CCNF: variants seen among roughly 807,000 people sequenced by gnomAD.
CCNF encodes cyclin-F.
A neutral mutation model predicts 85.4 loss-of-function variants in CCNF; 30 were observed. The ratio of observed to expected loss-of-function variants is 0.35; its 90% CI spans 0.26 to 0.48. The LOEUF is 0.48. CCNF is among the 20% of genes least tolerant of loss of function. The pLI, the probability that CCNF is intolerant of heterozygous loss-of-function variation, is 0.99. For missense variants in CCNF, 919 were observed against 1,010.4 expected (o/e 0.91, Z 1.23); for synonymous variants, 439 against 425.1 (o/e 1.03, Z -0.40).
chr16:2,448,269 T>A (rs895179306), intron 10 of CCNF, among the ~76,000 whole-genome samples: 2 of 152,250 alleles, frequency 1.3e-5, no homozygotes, highest in African/African-American at 2.4e-5. Flanking sequence ...CCTTGGTGTC[T>A]TTTAGCAAAC....
chr16:2,454,658 G>A (rs1307737179), intron 15 of CCNF, among the ~76,000 whole-genome samples: 1 of 152,236 alleles, frequency 6.6e-6, no homozygotes, highest in East Asian at 1.9e-4. Flanking sequence ...GCCCCATCCT[G>A]AGCAAGACTT....
At chr16:2,448,085 CCA>C (rs2065372026) in intron 10 of CCNF, among the ~76,000 whole-genome samples, 1 of 152,236 alleles carries the variant, frequency 6.6e-6, no homozygotes, top group African/African-American at 2.4e-5. Context: ...AACAGGGTGA[CCA>C]TCGCCTAGAG....
At position 2,442,897 on chromosome 16, in the gene CCNF, A is replaced by G. The variant is rs1169351178; in HGVS notation, c.778-752A>G. ...ATTATATTATAATTATATATTATAT[A>G]TTATATAATATATAAATATATATTA... On this transcript the variant is annotated intron_variant, in intron 8 of 16. Coordinates refer to ENST00000397066, the MANE Select transcript of CCNF (RefSeq NM_001761.3). Among the ~76,000 whole-genome samples, 37 of 88,330 alleles carry G rather than the reference A, an allele frequency of 4.2e-4. No homozygotes were observed. In the East Asian group the frequency reaches 0.01, roughly 24 times the overall value. 57.9% of individuals were successfully genotyped at this position (88,330 alleles called of 152,430 possible). A position where few individuals can be genotyped will look rare whatever the true frequency, so the allele number is the denominator to read the frequency against.
intron 6 of CCNF, 66 bp from the exon 7 acceptor site, chr16:2,439,287 A>G (rs2065308440): frequency 1.5e-6 from 2 of 1,377,238 alleles, no homozygotes; most frequent in Admixed American, 4.2e-5. Flanking sequence ...GACGAGTGAA[A>G]CTGTCTCAAA....
intron 8 of CCNF, among the ~76,000 whole-genome samples, chr16:2,440,234 C>T (rs906747722): frequency 3.3e-5 from 5 of 152,138 alleles, no homozygotes; most frequent in African/African-American, 4.8e-5. Flanking sequence ...TTCCTGTTAG[C>T]GCCTTGCTTG....
chr16:2,443,189 T>C (rs1223159466), intron 8 of CCNF, among the ~76,000 whole-genome samples: 1 of 136,724 alleles, frequency 7.3e-6, no homozygotes, highest in Non-Finnish European at 1.5e-5. Context: ...ATATATAATA[T>C]ATATATATTT....
At chr16:2,443,518 C>T in intron 8 of CCNF, 131 bp from the exon 9 acceptor site, 1 of 740,584 alleles carries the variant, frequency 1.4e-6, no homozygotes, top group Non-Finnish European at 2.2e-6. Context: ...GTTCCCGAAG[C>T]TTGTGAAGGT....
chr16:2,452,140 C>T lies in CCNF; in HGVS notation c.1488-1070C>T, dbSNP rs922219241. On this transcript the variant is annotated intron_variant, in intron 13 of 16. Coordinates refer to ENST00000397066, the MANE Select transcript of CCNF (RefSeq NM_001761.3). This position sits in a 1 kb window ranked among gnomAD's most constrained non-coding sequence, Gnocchi z 4.1. Reference sequence around the variant, plus strand: ...CGGCCTCCTGGAACACTGTGGCAGCCGCCCCGCACATGTCCCGTGTACGTC... The same window carrying T: ...CGGCCTCCTGGAACACTGTGGCAGCTGCCCCGCACATGTCCCGTGTACGTC... Among the ~76,000 whole-genome samples, 1 of 152,210 alleles carries T rather than the reference C, an allele frequency of 6.6e-6. No homozygotes were observed. The highest frequency in any genetic ancestry group is 2.4e-5 in the African/African-American group (1 of 41,450).
intron 8 of CCNF, among the ~76,000 whole-genome samples, chr16:2,441,981 ATG>A (rs1555497458): frequency 9.1e-5 from 9 of 98,748 alleles, no homozygotes; most frequent in Admixed American, 2.1e-4. Context: ...ATATATATAT[ATG>A]TTTTTGTTTT....
intron 1 of CCNF, among the ~76,000 whole-genome samples, chr16:2,430,076 T>C (rs949186167): frequency 1.3e-5 from 2 of 152,178 alleles, no homozygotes; most frequent in Non-Finnish European, 2.9e-5. Flanking sequence ...TCTTTGAGAA[T>C]TCGTCGCCCT....
rs767276351 is a variant in CCNF at position 2,445,533 on chromosome 16, G to A, written c.1005G>A (p.Val335=). 2 of 1,614,142 alleles carry A rather than the reference G, an allele frequency of 1.2e-6. No homozygotes were observed. The highest frequency in any genetic ancestry group is 8.5e-7 in the Non-Finnish European group (1 of 1,180,024). Residue 335 remains valine (V), a synonymous_variant, in exon 10 of 17, where the codon GTG becomes GTA. Transcript: ENST00000397066. ...DFTSLCLHLT[V]ECVDRYLRRR... ...CAAGCCTGTGCCTGCACCTGACCGT[G>A]GAGTGTGTGGACCGGTACCTGCGGA...
rs141266536 is a variant in CCNF, at chr16:2,455,476, G to A, written c.1797G>A (p.Thr599=). Residue 599 remains threonine (T), a synonymous_variant, in exon 16 of 17, where the codon ACG becomes ACA. Coordinates refer to ENST00000397066, the MANE Select transcript of CCNF (RefSeq NM_001761.3). ...CGGAGCTGTCCAGCCAGGAGGAGACGCTGCTGGGCAGCTTCCTCGACTGGA... is the reference window on the plus strand; with the variant it reads ...CGGAGCTGTCCAGCCAGGAGGAGACACTGCTGGGCAGCTTCCTCGACTGGA... ...PTAELSSQEE[T]LLGSFLDWSL... is the part of the protein sequence containing the mutation. The A allele has an allele frequency of 8.6e-5, 138 of 1,604,628 alleles. No homozygotes were observed. Among genetic ancestry groups the A allele is most frequent in the African/African-American group, 3.2e-4 (24 of 74,890 alleles).
In CCNF at chr16:2,457,076, G is replaced by A. The variant is rs1182158311; in HGVS notation, c.*56G>A. 2.3e-6 allele frequency: 3 copies of A among 1,321,786 alleles called. No individual in the cohort carries two copies. Among genetic ancestry groups the A allele is most frequent in the Non-Finnish European group, 3.1e-6 (3 of 958,262 alleles). The allele number at this position is 1,321,786 out of a possible 1,614,324, so 81.9% of individuals were successfully genotyped here. A position where few individuals can be genotyped will look rare whatever the true frequency, so the allele number is the denominator to read the frequency against. On this transcript the variant is annotated 3_prime_UTR_variant, in exon 17 of 17. Coordinates refer to ENST00000397066, the MANE Select transcript of CCNF (RefSeq NM_001761.3). ...GTACTGAGGGGGCTGGAGGCGAAGGGTGGGAGCATAGCATAGGAACGCTGC... is the reference window on the plus strand; with the variant it reads ...GTACTGAGGGGGCTGGAGGCGAAGGATGGGAGCATAGCATAGGAACGCTGC...
intron 1 of CCNF, 23 bp downstream of exon 1, chr16:2,429,520 T>C (rs1433855116): frequency 8.1e-7 from 1 of 1,229,982 alleles, no homozygotes; most frequent in Non-Finnish European, 1.0e-6. Context: ...CGATGTCCGC[T>C]GGTTTCTGCC....
Position 2,456,459 on chromosome 16 carries a change from C to G in CCNF, c.1886-86C>G. On this transcript the variant is annotated intron_variant, in intron 16 of 16. Coordinates refer to ENST00000397066, the MANE Select transcript of CCNF (RefSeq NM_001761.3). This position sits in a 1 kb window ranked among gnomAD's most constrained non-coding sequence, Gnocchi z 4.5. ...CGTAGCAAGGTAGAAGATTCTTGAC[C>G]TGGACTTCAGGGTCCTGACCTGGCA... The G allele has an allele frequency of 2.2e-6, 2 of 916,392 alleles. No homozygotes were observed. Among genetic ancestry groups the G allele is most frequent in the Non-Finnish European group, 3.2e-6 (2 of 629,364 alleles). 56.8% of individuals were successfully genotyped at this position (916,392 alleles called of 1,614,324 possible).
chr16:2,449,511 C>T (rs2065381696), intron 12 of CCNF, 49 bp downstream of exon 12: 2 of 1,553,074 alleles, frequency 1.3e-6, no homozygotes, highest in East Asian at 2.3e-5. Context: ...AAGGTGCTGA[C>T]ATAGGAGGAG....
chr16:2,445,625 G>A lies in CCNF; in HGVS notation c.1094+3G>A, dbSNP rs2065357818. 1 of 1,610,830 alleles carries A rather than the reference G, an allele frequency of 6.2e-7. No individual in the cohort carries two copies. Among genetic ancestry groups the A allele is most frequent in the Non-Finnish European group, 8.5e-7 (1 of 1,179,820 alleles). ...GCCTGCATGGTCATCTGCACCCGGT[G>A]AGAAGCCCCCTTGGCCCAGCTGGCA... On this transcript the variant is annotated splice_donor_region_variant and intron_variant, in intron 10 of 16. Coordinates refer to ENST00000397066, the MANE Select transcript of CCNF (RefSeq NM_001761.3).
chr16:2,445,345 G>T, intron 9 of CCNF, 113 bp from the exon 10 acceptor site: 1 of 1,249,120 alleles, frequency 8.0e-7, no homozygotes. Context: ...GTAAACCCAT[G>T]ATTCCAGAGC....
In CCNF at chr16:2,452,781, A is replaced by G. The variant is rs1455768003; in HGVS notation, c.1488-429A>G. 1 of 213,132 alleles carries G rather than the reference A, an allele frequency of 4.7e-6. No individual in the cohort carries two copies. The highest frequency in any genetic ancestry group is 1.2e-4 in the East Asian group (1 of 8,194). The allele number at this position is 213,132 out of a possible 1,614,324, so 13.2% of individuals were successfully genotyped here. On this transcript the variant is annotated intron_variant, in intron 13 of 16. Coordinates refer to ENST00000397066, the MANE Select transcript of CCNF (RefSeq NM_001761.3). This position sits in a 1 kb window ranked among gnomAD's most constrained non-coding sequence, Gnocchi z 4.1. Reference sequence around the variant, plus strand: ...TTCCCATTCTGTACATTCCATATAAATGGCGTCATCGGACAAGTGGCCTTC... The same window carrying G: ...TTCCCATTCTGTACATTCCATATAAGTGGCGTCATCGGACAAGTGGCCTTC...
Sources: allele counts gnomAD v4.1 joint callset (sites outside exome capture counted in the v4.1 genomes callset), GRCh38; gene constraint gnomAD v4.1.1; non-coding constraint Gnocchi (gnomAD v3.1); transcripts MANE v1.5; gene names NCBI Gene and HGNC (gene_info 2026-07-23, HGNC 2026-07-21).